The following C15orf39 variants were observed in gnomAD, a reference collection of about 807,000 sequenced individuals.
The protein encoded by C15orf39 is uncharacterized protein C15orf39.
A neutral mutation model predicts 53.9 loss-of-function variants in C15orf39; 24 were observed. That is an observed-to-expected ratio of 0.45 (90% CI 0.32 to 0.63). C15orf39 has a LOEUF of 0.63. Among genes scored for constraint, C15orf39 ranks in the 20% least tolerant of loss-of-function variants. C15orf39 has a pLI of 0.04. For missense variants in C15orf39, 1,271 were observed against 1,347.9 expected, an observed-to-expected ratio of 0.94 and a Z score of 0.89; for synonymous variants, 569 against 576.5, an observed-to-expected ratio of 0.99 and a Z score of 0.19.
upstream of C15orf39, among the ~76,000 whole-genome samples, chr15:75,199,394 C>T (rs1287708548): frequency 2.0e-5 from 3 of 152,096 alleles, no homozygotes; most frequent in Non-Finnish European, 4.4e-5. Flanking sequence ...GTGTCTATAG[C>T]TGGGTCTGCA....
Position 75,208,621 on chromosome 15 carries a change from C to G in C15orf39, c.2573C>G (p.Pro858Arg), listed in dbSNP as rs2070460428. The change falls in exon 2 of 3, where the codon CCA (proline) becomes CGA (arginine). Residue 858 changes from proline (P) to arginine (R), a missense_variant. Around this residue, in one of 2 missense-constraint regions of C15orf39, gnomAD observed 277 missense variants for 354.1 expected, o/e 0.78. Transcript: ENST00000394987. ...AAGGAGCGGCTCTTCCCTCGGCTGC[C>G]ACCCGCTTCTGTGGACCATGTGCTG... ...LVKERLFPRL[P>R]PASVDHVLQE... 1 of 1,592,586 alleles carries G rather than the reference C, an allele frequency of 6.3e-7. No homozygotes were observed. Among genetic ancestry groups the G allele is most frequent in the Admixed American group, 1.8e-5 (1 of 56,620 alleles).
Position 75,207,963 on chromosome 15 carries a change from C to T in C15orf39, c.1915C>T (p.Pro639Ser). ...GGTGCCAGTGACCACAGATGCCATG[C>T]CAAGGACCAACTTCCACAGCTCTGT... ...PGVPVTTDAM[P>S]RTNFHSSVAF... Residue 639 changes from proline (P) to serine (S), a missense_variant, in exon 2 of 3, where the codon CCA becomes TCA. By Grantham distance (74) the Pro-to-Ser change is moderately conservative (BLOSUM62 -1). Around this residue, in one of 2 missense-constraint regions of C15orf39, gnomAD observed 994 missense variants for 993.7 expected, o/e 1.00. Coordinates refer to ENST00000394987, the MANE Select transcript of C15orf39 (RefSeq NM_015492.5). The T allele has an allele frequency of 1.2e-6, 2 of 1,613,952 alleles. No homozygotes were observed. Among genetic ancestry groups the T allele is most frequent in the South Asian group, 1.1e-5 (1 of 91,090 alleles).
upstream of C15orf39, among the ~76,000 whole-genome samples, chr15:75,201,082 C>A (rs1175649723): frequency 6.6e-6 from 1 of 152,156 alleles, no homozygotes; most frequent in Non-Finnish European, 1.5e-5. This position sits in a 1 kb window ranked among gnomAD's most constrained non-coding sequence, Gnocchi z 4.7. Flanking sequence ...CCTCGGGCAG[C>A]CCAGGAGCTT....
intron 1 of C15orf39, among the ~76,000 whole-genome samples, chr15:75,202,836 G>T (rs1443260573): frequency 1.3e-5 from 2 of 152,242 alleles, no homozygotes; most frequent in Non-Finnish European, 2.9e-5. Flanking sequence ...GGATGCACGT[G>T]CGTCTCGGCG....
At position 75,206,150 on chromosome 15, in the gene C15orf39, T is replaced by C. The variant is rs567148879; in HGVS notation, c.102T>C (p.Ser34=). 2.7e-4 allele frequency: 430 copies of C among 1,613,992 alleles called. 4 individuals are homozygous for C. The South Asian group carries it at 4.4e-3, about 16-fold the overall frequency. The change falls in exon 2 of 3, where the codon TCT becomes TCC. Residue 34 remains serine, a synonymous_variant. Coordinates refer to ENST00000394987, the MANE Select transcript of C15orf39 (RefSeq NM_015492.5). ...GGCTCGAGCACAGCCTGCCCCACTC[T>C]GTTGGTAACCAGGATCCCTGCACCT... ...DSGLEHSLPH[S]VGNQDPCTYK...
chr15:75,201,919 G>A lies in C15orf39; in HGVS notation c.-191G>A, dbSNP rs893848278. ...GCGGCGGCGCGAACGGCAGCTAGGA[G>A]GGTTGCTCCGGGCTTGGTGCTCACT... On this transcript the variant is annotated 5_prime_UTR_variant, in exon 1 of 3. Coordinates refer to ENST00000394987, the MANE Select transcript of C15orf39 (RefSeq NM_015492.5). The surrounding 1 kb of genome is among the most constrained non-coding windows in gnomAD (Gnocchi z 4.7). The A allele has an allele frequency of 1.3e-5, 2 of 151,976 alleles. No homozygotes were observed. Among genetic ancestry groups the A allele is most frequent in the Non-Finnish European group, 2.9e-5 (2 of 67,974 alleles). The allele number at this position is 151,976 out of a possible 1,614,324, so 9.4% of individuals were successfully genotyped here. A position where few individuals can be genotyped will look rare whatever the true frequency, so the allele number is the denominator to read the frequency against.
chr15:75,209,442 C>G (rs2070467839), intron 2 of C15orf39: 1 of 152,642 alleles, frequency 6.6e-6, no homozygotes, highest in Non-Finnish European at 1.5e-5. Flanking sequence ...TTGCAGTCCT[C>G]CCCGGCCCTT....
rs573923541 is a variant in C15orf39, at chr15:75,206,018, G to C, written c.-31G>C. The C allele has an allele frequency of 1.6e-4, 238 of 1,516,880 alleles. 2 individuals carry two copies. The highest frequency in any genetic ancestry group is 1.5e-3 in the South Asian group (120 of 79,518). The allele number at this position is 1,516,880 out of a possible 1,614,324, so 94.0% of individuals were successfully genotyped here. A position where few individuals can be genotyped will look rare whatever the true frequency, so the allele number is the denominator to read the frequency against. On this transcript the variant is annotated 5_prime_UTR_variant, in exon 2 of 3. Transcript: ENST00000394987. ...TCCCAGGTCAGAAGTTGAGTAGCAG[G>C]GGCCTAGGAGGGCTCGAAGCCTTCA...
At position 75,208,391 on chromosome 15, in the gene C15orf39, C is replaced by T. The variant is rs138866341; in HGVS notation, c.2343C>T (p.Ser781=). Residue 781 remains serine, a synonymous_variant, in exon 2 of 3, where the codon TCC becomes TCT. Coordinates refer to ENST00000394987, the MANE Select transcript of C15orf39 (RefSeq NM_015492.5). Reference sequence around the variant, plus strand: ...CCCTGTGTGATGCTATTTCTGGCTCCGTCGCCCACTCTCCTCCAGAGAAGC... The same window carrying T: ...CCCTGTGTGATGCTATTTCTGGCTCTGTCGCCCACTCTCCTCCAGAGAAGC... The part of the protein sequence containing the change: ...HASLCDAISG[S]VAHSPPEKLR... 74 of 1,602,490 alleles carry T rather than the reference C, an allele frequency of 4.6e-5. No homozygotes were observed. Among genetic ancestry groups the T allele is most frequent in the African/African-American group, 1.6e-4 (12 of 74,752 alleles).
At position 75,206,033 on chromosome 15, in the gene C15orf39, C is replaced by G. The variant is rs75710563; in HGVS notation, c.-16C>G. On this transcript the variant is annotated 5_prime_UTR_variant, in exon 2 of 3. Coordinates refer to ENST00000394987, the MANE Select transcript of C15orf39 (RefSeq NM_015492.5). ...TGAGTAGCAGGGGCCTAGGAGGGCTCGAAGCCTTCACAGCGATGGCAGAGA... is the reference window on the plus strand; with the variant it reads ...TGAGTAGCAGGGGCCTAGGAGGGCTGGAAGCCTTCACAGCGATGGCAGAGA... 2 of 1,568,142 alleles carry G rather than the reference C, an allele frequency of 1.3e-6. No homozygotes were observed. The highest frequency in any genetic ancestry group is 1.8e-5 in the Admixed American group (1 of 54,058).
In C15orf39 at chr15:75,206,750, C is replaced by T. The variant is rs147093913; in HGVS notation, c.702C>T (p.Tyr234=). The change falls in exon 2 of 3, where the codon TAC becomes TAT. Residue 234 remains tyrosine (Y), a synonymous_variant. Coordinates refer to ENST00000394987, the MANE Select transcript of C15orf39 (RefSeq NM_015492.5). ...GFLASRYTGP[Y]PRNSKQAMSE... Reference sequence around the variant, plus strand: ...TGGCCTCCAGGTACACAGGTCCTTACCCTAGGAACTCCAAGCAAGCAATGT... The same window carrying T: ...TGGCCTCCAGGTACACAGGTCCTTATCCTAGGAACTCCAAGCAAGCAATGT... 4,641 of 1,613,258 alleles carry T rather than the reference C, an allele frequency of 2.9e-3. 14 individuals carry two copies. Among genetic ancestry groups the T allele is most frequent in the Non-Finnish European group, 3.5e-3 (4,171 of 1,179,690 alleles).
At chr15:75,203,404 G>A (rs1275400987) in intron 1 of C15orf39, among the ~76,000 whole-genome samples, 1 of 152,238 alleles carries the variant, frequency 6.6e-6, no homozygotes, top group African/African-American at 2.4e-5. Flanking sequence ...GAGCTTGCTT[G>A]CCTCAGTATG....
rs908171449 is a variant in C15orf39, at chr15:75,210,893, A to G, written c.2921A>G (p.Glu974Gly). Residue 974 changes from glutamate to glycine, a missense_variant, in exon 3 of 3, where the codon GAG becomes GGG. Transcript: ENST00000394987. ...AGGAAGCCACCAACCCCTGGCCCGG[A>G]GAAAGCAGAGGCAGCTGCTGGGGAA... ...PGRKPPTPGPEKAEAAAGEES... is the reference protein window; with the variant it reads ...PGRKPPTPGPGKAEAAAGEES... The G allele has an allele frequency of 6.2e-7, 1 of 1,613,766 alleles. No homozygotes were observed. Among genetic ancestry groups the G allele is most frequent in the Non-Finnish European group, 8.5e-7 (1 of 1,179,996 alleles).
rs1027098194 is a variant in C15orf39 at position 75,211,184 on chromosome 15, C to T, written c.*68C>T. 6.6e-7 allele frequency: 1 copy of T among 1,517,654 alleles called. No homozygotes were observed. Among genetic ancestry groups the T allele is most frequent in the Non-Finnish European group, 8.8e-7 (1 of 1,136,604 alleles). 94.0% of individuals were successfully genotyped at this position (1,517,654 alleles called of 1,614,324 possible). A position where few individuals can be genotyped will look rare whatever the true frequency, so the allele number is the denominator to read the frequency against. ...CTTCCCTTCTGCCTGCCCAGCTGCC[C>T]CGGGGCCACGAGTGGATGCTGGGGC... On this transcript the variant is annotated 3_prime_UTR_variant, in exon 3 of 3. Coordinates refer to ENST00000394987, the MANE Select transcript of C15orf39 (RefSeq NM_015492.5).
In C15orf39 at chr15:75,206,056, A is replaced by G. The variant is rs368173977; in HGVS notation, c.8A>G (p.Glu3Gly). 2.6e-5 allele frequency: 42 copies of G among 1,602,756 alleles called. No individual in the cohort carries two copies. In the African/African-American group the frequency reaches 5.4e-4, roughly 20 times the overall value. MAEKRPLRTLGPV... is the reference protein window; with the variant it reads MAGKRPLRTLGPV... Reference sequence around the variant, plus strand: ...CTCGAAGCCTTCACAGCGATGGCAGAGAAGCGACCCCTGAGAACCCTGGGG... The same window carrying G: ...CTCGAAGCCTTCACAGCGATGGCAGGGAAGCGACCCCTGAGAACCCTGGGG... The change falls in exon 2 of 3, where the codon GAG (glutamate) becomes GGG (glycine). Residue 3 changes from glutamate (E) to glycine (G), a missense_variant. Around this residue, in one of 2 missense-constraint regions of C15orf39, gnomAD observed 994 missense variants for 993.7 expected, o/e 1.00. Coordinates refer to ENST00000394987, the MANE Select transcript of C15orf39 (RefSeq NM_015492.5).
At chr15:75,210,653 G>A in intron 2 of C15orf39, 96 bp from the exon 3 acceptor site, 2 of 1,485,054 alleles carry the variant, frequency 1.3e-6, no homozygotes, top group Admixed American at 2.2e-5. Context: ...GCCTGACTTG[G>A]GGCAGAGCAG....
chr15:75,207,939 G>A lies in C15orf39; in HGVS notation c.1891G>A (p.Val631Met). 1 of 1,613,834 alleles carries A rather than the reference G, an allele frequency of 6.2e-7. No homozygotes were observed. The highest frequency in any genetic ancestry group is 8.5e-7 in the Non-Finnish European group (1 of 1,180,018). Residue 631 changes from valine to methionine, a missense_variant, in exon 2 of 3, where the codon GTG becomes ATG. Physicochemically the swap from Val to Met is conservative, Grantham distance 21. Coordinates refer to ENST00000394987, the MANE Select transcript of C15orf39 (RefSeq NM_015492.5). ...CACAGAAGCACCAGGCTTGCCTGGG[G>A]TGCCAGTGACCACAGATGCCATGCC... ...IDTEAPGLPGVPVTTDAMPRT... is the reference protein window; with the variant it reads ...IDTEAPGLPGMPVTTDAMPRT...
intron 1 of C15orf39, among the ~76,000 whole-genome samples, chr15:75,205,526 T>C (rs532865300): frequency 1.3e-5 from 2 of 152,276 alleles, no homozygotes; most frequent in South Asian, 4.1e-4. Flanking sequence ...GCTTAAAATA[T>C]ACGAGTTGGG....
Position 75,207,579 on chromosome 15 carries a change from C to T in C15orf39, c.1531C>T (p.Pro511Ser), listed in dbSNP as rs1180902383. ...PVIDNVFSLA[P>S]YRDYLDVPAP... ...CATTGACAATGTCTTCAGCCTGGCC[C>T]CCTACCGTGACTATCTGGATGTGCC... Residue 511 changes from proline to serine, a missense_variant, in exon 2 of 3, where the codon CCC (proline) becomes TCC (serine). Physicochemically the swap from Pro to Ser is moderately conservative, Grantham distance 74. Coordinates refer to ENST00000394987, the MANE Select transcript of C15orf39 (RefSeq NM_015492.5). The T allele has an allele frequency of 1.2e-6, 2 of 1,613,570 alleles. No homozygotes were observed. Among genetic ancestry groups the T allele is most frequent in the Admixed American group, 1.7e-5 (1 of 60,026 alleles).
Sources: allele counts gnomAD v4.1 joint callset (sites outside exome capture counted in the v4.1 genomes callset), GRCh38; gene constraint gnomAD v4.1.1; regional missense constraint gnomAD v4.1.1; non-coding constraint Gnocchi (gnomAD v3.1); transcripts MANE v1.5; gene names NCBI Gene and HGNC (gene_info 2026-07-23, HGNC 2026-07-21).